The following C1orf94 variants were observed in gnomAD, a reference collection of about 807,000 sequenced individuals.
C1orf94 encodes chromosome 1 open reading frame 94.
C1orf94 carries 45 observed loss-of-function variants against 53.6 expected under a neutral mutation model. The ratio of observed to expected loss-of-function variants is 0.84; its 90% CI spans 0.66 to 1.08. The LOEUF (loss-of-function observed/expected upper bound fraction) is 1.08, where lower values mean the gene tolerates loss of function less well. Among genes scored for constraint, C1orf94 ranks in the 50% least tolerant of loss-of-function variants. The pLI, the probability that C1orf94 is intolerant of heterozygous loss-of-function variation, is 0.00. For synonymous variants in C1orf94, 304 were observed against 296.1 expected (o/e 1.03, Z -0.27); for missense variants, 762 against 738.9 (o/e 1.03, Z -0.36).
chr1:34,207,116 C>T (rs1642808911), intron 4 of C1orf94, among the ~76,000 whole-genome samples: 1 of 152,134 alleles, frequency 6.6e-6, no homozygotes, highest in Admixed American at 6.5e-5. Context: ...GAGGCAGCCT[C>T]TCGGGCAGCA....
rs757218388 is a variant in C1orf94, at chr1:34,202,249, T to C, written c.1436T>C (p.Leu479Ser). ...PPVFTNHSTFLQYQGLYPQQA... is the reference protein window; with the variant it reads ...PPVFTNHSTFSQYQGLYPQQA... ...GTGTTCACGAATCACTCTACCTTCT[T>C]GCAGTATCAGGTCAGTGAGCTGGCC... The change falls in exon 4 of 7, where the codon TTG (leucine) becomes TCG (serine). Residue 479 changes from leucine (L) to serine (S), a missense_variant. Coordinates refer to ENST00000488417, the MANE Select transcript of C1orf94 (RefSeq NM_001134734.2). 6.2e-7 allele frequency: 1 copy of C among 1,614,082 alleles called. No individual in the cohort carries two copies. Among genetic ancestry groups the C allele is most frequent in the South Asian group, 1.1e-5 (1 of 91,044 alleles).
intron 4 of C1orf94, 60 bp from the exon 5 acceptor site, chr1:34,208,097 C>T (rs891278168): frequency 1.3e-6 from 2 of 1,536,470 alleles, no homozygotes; most frequent in Non-Finnish European, 1.8e-6. Context: ...AGCTGAGTAG[C>T]TGATGCCTTC....
In C1orf94 at chr1:34,212,485, C is replaced by T. The variant is rs78018225; in HGVS notation, c.1721+79C>T. On this transcript the variant is annotated intron_variant, in intron 6 of 6. Transcript: ENST00000488417. ...GGGGCAAGTTGGGTGGGCTTACCAG[C>T]GCTTTCTTAGTATGTGTGTTCCATG... 1,801 of 1,390,530 alleles carry T rather than the reference C, an allele frequency of 1.3e-3. 21 individuals carry two copies. The African/African-American group carries it at 0.023, about 18-fold the overall frequency. 86.1% of individuals were successfully genotyped at this position (1,390,530 alleles called of 1,614,324 possible).
rs1423811650 is a variant in C1orf94, at chr1:34,197,511, GC to G, written c.609del (p.Thr204LeufsTer26). The G allele has an allele frequency of 6.2e-7, 1 of 1,614,136 alleles. No individual in the cohort carries two copies. Among genetic ancestry groups the G allele is most frequent in the Admixed American group, 1.7e-5 (1 of 60,028 alleles). On this transcript the variant is annotated frameshift_variant, in exon 2 of 7. Coordinates refer to ENST00000488417, the MANE Select transcript of C1orf94 (RefSeq NM_001134734.2). LOFTEE classifies it high-confidence loss of function. This position sits in a 1 kb window ranked among gnomAD's most constrained non-coding sequence, Gnocchi z 4.1. ...CAGCAGCAGGCAGGACTGTGATTCT[GC>G]CACTTCTACTGTCACAGACATTCTG... Reference protein sequence around the residue: ...VISSRQDCDSATSTVTDILCA... With the variant: ...VISSRQDCDSXTSTVTDILCA...
intron 6 of C1orf94, among the ~76,000 whole-genome samples, chr1:34,218,290 G>A (rs1010890300): frequency 4.6e-5 from 7 of 152,154 alleles, no homozygotes; most frequent in African/African-American, 1.4e-4. Context: ...GTTCTCTGAT[G>A]TTGTAGATTT....
At chr1:34,167,462 TC>T (rs1400762739) in intron 1 of C1orf94, among the ~76,000 whole-genome samples, 1 of 152,204 alleles carries the variant, frequency 6.6e-6, no homozygotes, top group African/African-American at 2.4e-5. Flanking sequence ...CCCAGAACTT[TC>T]CCGGGCAAAA....
At chr1:34,184,594 A>G (rs1642358415) in intron 1 of C1orf94, among the ~76,000 whole-genome samples, 1 of 152,214 alleles carries the variant, frequency 6.6e-6, no homozygotes. Context: ...TTCTGAGGCT[A>G]TTTGTTGCAA....
At chr1:34,209,645 G>A (rs1642858530) in intron 5 of C1orf94, among the ~76,000 whole-genome samples, 1 of 152,138 alleles carries the variant, frequency 6.6e-6, no homozygotes, top group Non-Finnish European at 1.5e-5. Context: ...GTGTTAGAAT[G>A]TTCGGGAGGG....
chr1:34,215,195 C>T (rs1421311624), intron 6 of C1orf94, among the ~76,000 whole-genome samples: 2 of 152,126 alleles, frequency 1.3e-5, no homozygotes, highest in Non-Finnish European at 2.9e-5. Context: ...ACCACACATA[C>T]ATTTCGGGGA....
chr1:34,186,983 T>C (rs890188926), intron 1 of C1orf94, among the ~76,000 whole-genome samples: 6 of 152,144 alleles, frequency 3.9e-5, no homozygotes, highest in African/African-American at 1.4e-4. Context: ...GCCATAAAAC[T>C]GCCACCACCC....
At chr1:34,203,107 A>G (rs1642738788) in intron 4 of C1orf94, among the ~76,000 whole-genome samples, 2 of 152,028 alleles carry the variant, frequency 1.3e-5, no homozygotes, top group African/African-American at 4.8e-5. Flanking sequence ...TTTATATGTC[A>G]TTGTATATCA....
chr1:34,198,540 G>A lies in C1orf94; in HGVS notation c.1009+627G>A, dbSNP rs1175471975. On this transcript the variant is annotated intron_variant, in intron 2 of 6. Coordinates refer to ENST00000488417, the MANE Select transcript of C1orf94 (RefSeq NM_001134734.2). ...CTTTATGCCCAGGATTCTGTGTGTT[G>A]TTCTGATCTAACCAGTCAGACTATA... Among the ~76,000 whole-genome samples, 3 of 152,210 alleles carry A rather than the reference G, an allele frequency of 2.0e-5. No homozygotes were observed. In the East Asian group the frequency reaches 5.8e-4, roughly 29 times the overall value.
chr1:34,185,578 C>G (rs1473408715), intron 1 of C1orf94, among the ~76,000 whole-genome samples: 3 of 152,202 alleles, frequency 2.0e-5, no homozygotes, highest in African/African-American at 4.8e-5. Context: ...CTAGTGCTGG[C>G]AGACACTGGC....
intron 3 of C1orf94, among the ~76,000 whole-genome samples, chr1:34,201,475 A>G (rs1160164037): frequency 6.6e-6 from 1 of 152,190 alleles, no homozygotes; most frequent in Non-Finnish European, 1.5e-5. Flanking sequence ...AGCCCCCACA[A>G]CATCTTGTAG....
intron 6 of C1orf94, among the ~76,000 whole-genome samples, chr1:34,213,895 C>T (rs1642940561): frequency 6.6e-6 from 1 of 152,074 alleles, no homozygotes; most frequent in South Asian, 2.1e-4. Flanking sequence ...TCTTTCCTCC[C>T]TCCCTCCCTC....
chr1:34,189,216 AT>A (rs1479513109), intron 1 of C1orf94, among the ~76,000 whole-genome samples: 1 of 151,386 alleles, frequency 6.6e-6, no homozygotes, highest in Admixed American at 6.6e-5. Context: ...TGGCTGTGGT[AT>A]ATTTGTGTGC....
At chr1:34,181,775 G>A (rs1642315105) in intron 1 of C1orf94, among the ~76,000 whole-genome samples, 1 of 152,218 alleles carries the variant, frequency 6.6e-6, no homozygotes, top group East Asian at 1.9e-4. Flanking sequence ...GGAAGTGATA[G>A]GAAGAGCTCC....
intron 1 of C1orf94, among the ~76,000 whole-genome samples, chr1:34,180,706 C>T (rs1367537272): frequency 6.6e-6 from 1 of 152,228 alleles, no homozygotes; most frequent in African/African-American, 2.4e-5. Flanking sequence ...GGGAGCTGTT[C>T]TTACTATTTC....
intron 5 of C1orf94, among the ~76,000 whole-genome samples, chr1:34,211,164 A>G (rs1642883253): frequency 6.6e-6 from 1 of 152,130 alleles, no homozygotes; most frequent in Non-Finnish European, 1.5e-5. Flanking sequence ...AGCTGTCAGT[A>G]GTGGAATGTA....
Sources: allele counts gnomAD v4.1 joint callset (sites outside exome capture counted in the v4.1 genomes callset), GRCh38; gene constraint gnomAD v4.1.1; non-coding constraint Gnocchi (gnomAD v3.1); transcripts MANE v1.5; gene names NCBI Gene and HGNC (gene_info 2026-07-23, HGNC 2026-07-21).